Variants in SLC6A17 observed in about 807,000 individuals in gnomAD.
SLC6A17 encodes the protein sodium-dependent neutral amino acid transporter SLC6A17.
SLC6A17 carries 21 observed loss-of-function variants against 64.5 expected under a neutral mutation model. That is an observed-to-expected ratio of 0.33 (90% CI 0.23 to 0.47). The LOEUF is 0.47. Ranked by LOEUF, SLC6A17 falls within the 20% of genes least tolerant of loss-of-function variation. The pLI, the probability that SLC6A17 is intolerant of heterozygous loss-of-function variation, is 1.00. For missense variants in SLC6A17, 682 were observed against 963.2 expected (o/e 0.71, Z 3.86); for synonymous variants, 372 against 399.5 (o/e 0.93, Z 0.82).
At chr1:110,187,798 A>G (rs1656724508) in intron 6 of SLC6A17, among the ~76,000 whole-genome samples, 1 of 152,246 alleles carries the variant, frequency 6.6e-6, no homozygotes. Flanking sequence ...TTTCTGGAGC[A>G]TTCTTGAAAA....
At position 110,192,364 on chromosome 1, in the gene SLC6A17, T is replaced by A; in HGVS notation, c.1107-142T>A. On this transcript the variant is annotated intron_variant, in intron 7 of 11. Transcript: ENST00000331565. The surrounding 1 kb of genome is among the most constrained non-coding windows in gnomAD (Gnocchi z 4.3). ...CAGAGGAGCACTCTCTGTCCCCAGCTCCGGGCCACAGGGACAAGCTCAGAG... is the reference window on the plus strand; with the variant it reads ...CAGAGGAGCACTCTCTGTCCCCAGCACCGGGCCACAGGGACAAGCTCAGAG... 6.9e-7 allele frequency: 1 copy of A among 1,448,778 alleles called. No homozygotes were observed. The highest frequency in any genetic ancestry group is 9.3e-7 in the Non-Finnish European group (1 of 1,071,658). The allele number at this position is 1,448,778 out of a possible 1,614,324, so 89.7% of individuals were successfully genotyped here. A position where few individuals can be genotyped will look rare whatever the true frequency, so the allele number is the denominator to read the frequency against.
intron 8 of SLC6A17, among the ~76,000 whole-genome samples, chr1:110,193,698 G>A (rs963910816): frequency 4.6e-5 from 7 of 152,168 alleles, no homozygotes; most frequent in African/African-American, 1.2e-4. Flanking sequence ...GCCCAATCTC[G>A]GGCCCACTGC....
At chr1:110,157,536 G>A (rs1468667065) in intron 1 of SLC6A17, among the ~76,000 whole-genome samples, 1 of 151,896 alleles carries the variant, frequency 6.6e-6, no homozygotes, top group Non-Finnish European at 1.5e-5. Context: ...TTGCGCCACT[G>A]CACTCCAGCC....
chr1:110,173,899 GGCC>G, intron 3 of SLC6A17, 71 bp from the exon 4 acceptor site: 15 of 1,530,880 alleles, frequency 9.8e-6, no homozygotes, highest in Admixed American at 5.9e-5. Flanking sequence ...CGACGTGCTG[GGCC>G]TCGGGTGGAG....
At position 110,200,093 on chromosome 1, in the gene SLC6A17, G is replaced by T. The variant is rs1195688103; in HGVS notation, c.*1649G>T. On this transcript the variant is annotated 3_prime_UTR_variant, in exon 12 of 12. Transcript: ENST00000331565. The stretch of plus-strand genomic sequence containing the variant: ...GCTCAACCCGGACACCCTCACGAAG[G>T]GTCGCAAGTCACTCTTGTGGCTCAG... 1 of 398,358 alleles carries T rather than the reference G, an allele frequency of 2.5e-6. No homozygotes were observed. Among genetic ancestry groups the T allele is most frequent in the Non-Finnish European group, 4.4e-6 (1 of 226,052 alleles). 24.7% of individuals were successfully genotyped at this position (398,358 alleles called of 1,614,324 possible). A position where few individuals can be genotyped will look rare whatever the true frequency, so the allele number is the denominator to read the frequency against.
intron 1 of SLC6A17, among the ~76,000 whole-genome samples, chr1:110,164,173 G>A (rs1655988624): frequency 6.6e-6 from 1 of 152,204 alleles, no homozygotes; most frequent in Non-Finnish European, 1.5e-5. Flanking sequence ...CTCAGGAAAT[G>A]TATGTCAGGT....
At position 110,198,553 on chromosome 1, in the gene SLC6A17, C is replaced by T; in HGVS notation, c.*109C>T. ...CCAGGCCCAGGCCAGGCCCTTTGCC[C>T]AAGAAGAGAGGGTCTGCCCTGCCTC... On this transcript the variant is annotated 3_prime_UTR_variant, in exon 12 of 12. Transcript: ENST00000331565. 1 of 1,497,780 alleles carries T rather than the reference C, an allele frequency of 6.7e-7. No homozygotes were observed. Among genetic ancestry groups the T allele is most frequent in the Non-Finnish European group, 8.9e-7 (1 of 1,128,286 alleles). The allele number at this position is 1,497,780 out of a possible 1,614,324, so 92.8% of individuals were successfully genotyped here.
chr1:110,194,465 C>A, intron 8 of SLC6A17, 114 bp from the exon 9 acceptor site: 1 of 1,122,162 alleles, frequency 8.9e-7, no homozygotes, highest in Non-Finnish European at 1.3e-6. Flanking sequence ...GAGGTGGGAA[C>A]CCCTGTGAAA....
intron 1 of SLC6A17, among the ~76,000 whole-genome samples, chr1:110,161,679 C>T (rs1040062356): frequency 6.6e-6 from 1 of 152,182 alleles, no homozygotes; most frequent in Non-Finnish European, 1.5e-5. Flanking sequence ...GTTACCTGAA[C>T]CTTCCCCAGC....
At chr1:110,171,909 G>T (rs912292983) in intron 2 of SLC6A17, 151 bp from the exon 3 acceptor site, 4 of 1,043,756 alleles carry the variant, frequency 3.8e-6, no homozygotes, top group African/African-American at 3.2e-5. Context: ...CACACGTATG[G>T]CCACATCATT....
At chr1:110,171,466 G>A (rs1450458381) in intron 2 of SLC6A17, among the ~76,000 whole-genome samples, 1 of 152,160 alleles carries the variant, frequency 6.6e-6, no homozygotes, top group Non-Finnish European at 1.5e-5. Flanking sequence ...TTCCTGAACT[G>A]CTAATTTCTC....
intron 6 of SLC6A17, among the ~76,000 whole-genome samples, chr1:110,189,404 C>A (rs2100945142): frequency 6.6e-6 from 1 of 152,294 alleles, no homozygotes; most frequent in Middle Eastern, 3.4e-3. Context: ...TCCAGTCCAT[C>A]CCGAAGGTCT....
At chr1:110,197,202 T>A (rs1458771649) in intron 10 of SLC6A17, among the ~76,000 whole-genome samples, 1 of 152,196 alleles carries the variant, frequency 6.6e-6, no homozygotes. Flanking sequence ...TGGTGGGCCC[T>A]ATCATATCTC....
At chr1:110,151,972 C>G (rs1490726046) in intron 1 of SLC6A17, among the ~76,000 whole-genome samples, 3 of 152,136 alleles carry the variant, frequency 2.0e-5, no homozygotes, top group African/African-American at 7.2e-5. Flanking sequence ...ACAGGAACTT[C>G]AGGAACAAAG....
At chr1:110,194,866 C>G in intron 9 of SLC6A17, 95 bp downstream of exon 9, 2 of 1,456,662 alleles carry the variant, frequency 1.4e-6, no homozygotes, top group Non-Finnish European at 1.9e-6. Context: ...CATGACCCCA[C>G]ACCCAGAAGG....
chr1:110,179,622 C>G (rs985302743), intron 6 of SLC6A17, among the ~76,000 whole-genome samples: 8 of 147,476 alleles, frequency 5.4e-5, no homozygotes, highest in Non-Finnish European at 1.2e-4. Flanking sequence ...GGCACGATCT[C>G]AGCTCACCAC....
chr1:110,175,017 G>GGCAGAAA, intron 5 of SLC6A17, 57 bp downstream of exon 5: 4 of 1,562,868 alleles, frequency 2.6e-6, no homozygotes, highest in Non-Finnish European at 3.5e-6. Flanking sequence ...AAGGCACAGA[G>GGCAGAAA]GGCACAGGGC....
intron 1 of SLC6A17, among the ~76,000 whole-genome samples, chr1:110,160,518 T>C (rs937810435): frequency 2.0e-5 from 3 of 152,274 alleles, no homozygotes; most frequent in African/African-American, 7.2e-5. Context: ...CCTTCGCTCC[T>C]GCCTCAAGGA....
Position 110,166,938 on chromosome 1 carries a change from G to T in SLC6A17, c.9G>T (p.Lys3Asn). ...CGGCCCAGGTGGCATCAATGCCGAAGAACAGCAAAGTGACCCAGCGTGAGC... is the reference window on the plus strand; with the variant it reads ...CGGCCCAGGTGGCATCAATGCCGAATAACAGCAAAGTGACCCAGCGTGAGC... MP[K>N]NSKVTQREHS... Residue 3 changes from lysine to asparagine, a missense_variant, in exon 2 of 12, where the codon AAG becomes AAT. Physicochemically the swap from Lys to Asn is moderately conservative, Grantham distance 94. Coordinates refer to ENST00000331565, the MANE Select transcript of SLC6A17 (RefSeq NM_001010898.4). 1 of 1,607,730 alleles carries T rather than the reference G, an allele frequency of 6.2e-7. No homozygotes were observed. The highest frequency in any genetic ancestry group is 8.5e-7 in the Non-Finnish European group (1 of 1,175,114).
Sources: allele counts gnomAD v4.1 joint callset (sites outside exome capture counted in the v4.1 genomes callset), GRCh38; gene constraint gnomAD v4.1.1; non-coding constraint Gnocchi (gnomAD v3.1); transcripts MANE v1.5; gene names NCBI Gene and HGNC (gene_info 2026-07-23, HGNC 2026-07-21).